Variants in PEX6 observed in about 807,000 individuals in gnomAD.
PEX6 encodes peroxisome biogenesis factor 6.
Under a neutral mutation model 85.6 loss-of-function variants are expected in PEX6, and 55 were observed. The ratio of observed to expected loss-of-function variants is 0.64; its 90% CI spans 0.52 to 0.80. The LOEUF (loss-of-function observed/expected upper bound fraction) is 0.80. Ranked by LOEUF, PEX6 falls within the 30% of genes least tolerant of loss-of-function variation. The pLI is 0.00. For synonymous variants in PEX6, 519 were observed against 549.1 expected, an observed-to-expected ratio of 0.95 and a Z score of 0.77; for missense variants, 1,099 against 1,260.3, an observed-to-expected ratio of 0.87 and a Z score of 1.94.
At chr6:42,975,890 G>A (rs1407282245) in intron 1 of PEX6, among the ~76,000 whole-genome samples, 1 of 150,850 alleles carries the variant, frequency 6.6e-6, no homozygotes, top group African/African-American at 2.4e-5. Context: ...TAATTTTTGT[G>A]GGTTTTATTT....
At chr6:42,972,032 C>T (rs1770070013) in intron 3 of PEX6, among the ~76,000 whole-genome samples, 2 of 152,204 alleles carry the variant, frequency 1.3e-5, no homozygotes, top group Admixed American at 6.5e-5. Context: ...TGGGGTTCCA[C>T]AGAGCACCAC....
chr6:42,969,659 C>T lies in PEX6; in HGVS notation c.1367+9G>A. 6.2e-7 allele frequency: 1 copy of T among 1,612,386 alleles called. No homozygotes were observed. The highest frequency in any genetic ancestry group is 8.5e-7 in the Non-Finnish European group (1 of 1,179,932). ...TTTTCTCACACCCTGGGGTGATGAC[C>T]TCACTCACCCTGGCTGGAGGCGAGG... is the stretch of plus-strand genomic sequence containing the variant. On this transcript the variant is annotated intron_variant, in intron 5 of 16. Transcript: ENST00000304611.
chr6:42,965,968 C>T lies in PEX6; in HGVS notation c.2362+76G>A. The T allele has an allele frequency of 6.6e-7, 1 of 1,513,778 alleles. No homozygotes were observed. The highest frequency in any genetic ancestry group is 2.3e-5 in the East Asian group (1 of 44,368). The allele number at this position is 1,513,778 out of a possible 1,614,324, so 93.8% of individuals were successfully genotyped here. On this transcript the variant is annotated intron_variant, in intron 12 of 16. Coordinates refer to ENST00000304611, the MANE Select transcript of PEX6 (RefSeq NM_000287.4). This position sits in a 1 kb window ranked among gnomAD's most constrained non-coding sequence, Gnocchi z 5.0. ...AGGATTAGGAATGATCATGAGTAGCCTGGGAGTAGGGGGTGGCTTGGGGGC... is the reference window on the plus strand; with the variant it reads ...AGGATTAGGAATGATCATGAGTAGCTTGGGAGTAGGGGGTGGCTTGGGGGC...
rs1180122623 is a variant in PEX6, at chr6:42,968,790, G to A, written c.1479+84C>T. 2.9e-6 allele frequency: 3 copies of A among 1,020,496 alleles called. No homozygotes were observed. The East Asian group carries it at 7.1e-5, about 24-fold the overall frequency. 63.2% of individuals were successfully genotyped at this position (1,020,496 alleles called of 1,614,324 possible). On this transcript the variant is annotated intron_variant, in intron 6 of 16. Coordinates refer to ENST00000304611, the MANE Select transcript of PEX6 (RefSeq NM_000287.4). ...CTAGGGCCTGTGAGTAGACAGAGGA[G>A]GGAGGGGAGAGGAAGCAGCAGAGAG... is the stretch of plus-strand genomic sequence containing the variant.
rs139281058 is a variant in PEX6, at chr6:42,965,713, C to T, written c.2439G>A (p.Gly813=). 1.9e-6 allele frequency: 3 copies of T among 1,613,756 alleles called. No individual in the cohort carries two copies. In the African/African-American group the frequency reaches 4.0e-5, roughly 22 times the overall value. ...TCACTCCTCCAGAATCTCCACTTCG[C>T]CCCCGGCTTGGGGCCAAAGAGTCCA... ...DELDSLAPSR[G]RSGDSGGVMD... The change falls in exon 13 of 17, where the codon GGG becomes GGA. Residue 813 remains glycine (G), a synonymous_variant. Transcript: ENST00000304611. The surrounding 1 kb of genome is among the most constrained non-coding windows in gnomAD (Gnocchi z 5.0).
intron 1 of PEX6, among the ~76,000 whole-genome samples, chr6:42,976,051 A>ATTTT (rs575675085): frequency 3.7e-4 from 53 of 143,724 alleles, no homozygotes; most frequent in African/African-American, 6.6e-4. Flanking sequence ...ACCACACCTA[A>ATTTT]TTTTTTTTTT....
chr6:42,969,847 C>T, intron 4 of PEX6, 38 bp downstream of exon 4: 1 of 1,614,050 alleles, frequency 6.2e-7, no homozygotes, highest in Non-Finnish European at 8.5e-7. Context: ...ATCGTTTCTA[C>T]CCCCTGCGCT....
chr6:42,976,662 CT>C lies in PEX6; in HGVS notation c.882+1606del, dbSNP rs537991333. Among the ~76,000 whole-genome samples, 734 of 144,298 alleles carry C rather than the reference CT, an allele frequency of 5.1e-3. 3 individuals are homozygous for C. Among genetic ancestry groups the C allele is most frequent in the African/African-American group, 0.013 (518 of 39,652 alleles). 94.7% of individuals were successfully genotyped at this position (144,298 alleles called of 152,430 possible). ...ACAGGCATGAGCCACTGCGCCTGGC[CT>C]TTTTTTTTTTTACACAATGAAGGTT... On this transcript the variant is annotated intron_variant, in intron 1 of 16. Transcript: ENST00000304611.
chr6:42,974,829 T>C, intron 2 of PEX6, 46 bp downstream of exon 2: 1 of 1,551,352 alleles, frequency 6.4e-7, no homozygotes, highest in Non-Finnish European at 8.9e-7. Flanking sequence ...AGGAGGAATG[T>C]AATGAGGGTG....
chr6:42,964,209 G>T lies in PEX6; in HGVS notation c.*126C>A. The T allele has an allele frequency of 9.2e-7, 1 of 1,086,494 alleles. No homozygotes were observed. Among genetic ancestry groups the T allele is most frequent in the Non-Finnish European group, 1.4e-6 (1 of 723,250 alleles). 67.3% of individuals were successfully genotyped at this position (1,086,494 alleles called of 1,614,324 possible). On this transcript the variant is annotated 3_prime_UTR_variant, in exon 17 of 17. Transcript: ENST00000304611. This position sits in a 1 kb window ranked among gnomAD's most constrained non-coding sequence, Gnocchi z 4.6. ...GCCACTTTGCACCCTGGGATCTCCT[G>T]GAGGGAGGTGGCCTCCAGGTGGGTT...
At position 42,974,947 on chromosome 6, in the gene PEX6, A is replaced by ATT. The variant is rs1314019560; in HGVS notation, c.972_973dup (p.Ile325LysfsTer27). On this transcript the variant is annotated frameshift_variant, in exon 2 of 17. Transcript: ENST00000304611. LOFTEE classifies it high-confidence loss of function. ...AGTGCTGTAGTGGGGAGAAGACACA[A>ATT]TTTCGATGTGTAACTCTCTGGCAAA... 1 of 1,613,744 alleles carries ATT rather than the reference A, an allele frequency of 6.2e-7. No homozygotes were observed. Among genetic ancestry groups the ATT allele is most frequent in the South Asian group, 1.1e-5 (1 of 91,064 alleles).
At chr6:42,977,251 C>CCTTTTTTTTTTTT (rs34536442) in intron 1 of PEX6, among the ~76,000 whole-genome samples, 1 of 126,678 alleles carries the variant, frequency 7.9e-6, no homozygotes, top group Non-Finnish European at 1.6e-5. Context: ...TGAAACCTCA[C>CCTTTTTTTTTTTT]TTTTTTTTTT....
chr6:42,978,943 C>A lies in PEX6; in HGVS notation c.208G>T (p.Gly70Trp). The change falls in exon 1 of 17, where the codon GGG becomes TGG. Residue 70 changes from glycine (G) to tryptophan (W), a missense_variant. Coordinates refer to ENST00000304611, the MANE Select transcript of PEX6 (RefSeq NM_000287.4). The part of the protein sequence containing the change: ...PDAGTEEQGP[G>W]PPQLLVSRAL... ...CGGCTAACCAGTAGCTGCGGCGGCC[C>A]GGGACCCTGCTCTTCGGTGCCCGCG... 1 of 1,495,204 alleles carries A rather than the reference C, an allele frequency of 6.7e-7. No homozygotes were observed. Among genetic ancestry groups the A allele is most frequent in the Non-Finnish European group, 8.8e-7 (1 of 1,130,852 alleles). The allele number at this position is 1,495,204 out of a possible 1,614,324, so 92.6% of individuals were successfully genotyped here.
rs762734034 is a variant in PEX6, at chr6:42,969,681, G to A, written c.1354C>T (p.Arg452Cys). Residue 452 changes from arginine (R) to cysteine (C), a missense_variant, in exon 5 of 17, where the codon CGC becomes TGC. Physicochemically the swap from Arg to Cys is radical, Grantham distance 180. Transcript: ENST00000304611. ...VSELCAVLKP[R>C]LQPGGALLTG... ...GACCTCACTCACCCTGGCTGGAGGC[G>A]AGGCTTCAGGACAGCACAGAGTTCA... is the stretch of plus-strand genomic sequence containing the variant. 37 of 1,612,644 alleles carry A rather than the reference G, an allele frequency of 2.3e-5. No homozygotes were observed. The highest frequency in any genetic ancestry group is 3.3e-5 in the Admixed American group (2 of 59,996).
intron 3 of PEX6, among the ~76,000 whole-genome samples, chr6:42,972,614 C>T (rs1770101595): frequency 6.6e-6 from 1 of 151,836 alleles, no homozygotes; most frequent in South Asian, 2.1e-4. Flanking sequence ...ACTAAAAATA[C>T]AAAAAATTAG....
rs771717513 is a variant in PEX6, at chr6:42,969,940, G to A, written c.1178C>T (p.Pro393Leu). The change falls in exon 4 of 17, where the codon CCA (proline) becomes CTA (leucine). Residue 393 changes from proline (P) to leucine (L), a missense_variant. Physicochemically the swap from Pro to Leu is moderately conservative, Grantham distance 98. Around this residue, in one of 3 missense-constraint regions of PEX6, gnomAD observed 579 missense variants for 611.6 expected, o/e 0.95. Coordinates refer to ENST00000304611, the MANE Select transcript of PEX6 (RefSeq NM_000287.4). ...CAAGTAGGCACTGGCTGGTCCATCTGGAGCTTCCCCAACTGTTTTCTTCAC... is the reference window on the plus strand; with the variant it reads ...CAAGTAGGCACTGGCTGGTCCATCTAGAGCTTCCCCAACTGTTTTCTTCAC... Reference protein sequence around the residue: ...FKVKKTVGEAPDGPASAYLAD... With the variant: ...FKVKKTVGEALDGPASAYLAD... 3 of 1,614,222 alleles carry A rather than the reference G, an allele frequency of 1.9e-6. No individual in the cohort carries two copies. The highest frequency in any genetic ancestry group is 2.5e-6 in the Non-Finnish European group (3 of 1,180,042).
At chr6:42,978,033 C>CGGG (rs1213529907) in intron 1 of PEX6, among the ~76,000 whole-genome samples, 1 of 151,560 alleles carries the variant, frequency 6.6e-6, no homozygotes, top group Non-Finnish European at 1.5e-5. Flanking sequence ...TTAGTAGAGA[C>CGGG]GGGGTTTCTC....
Position 42,978,695 on chromosome 6 carries a change from C to T in PEX6, c.456G>A (p.Gly152=). ...RPALQGLLGP[G]TRLAVTELRG... ...GGAGCTCAGTCACAGCCAGCCGAGT[C>T]CCTGGGCCCAGCAGCCCTTGCAACG... is the stretch of plus-strand genomic sequence containing the variant. The change falls in exon 1 of 17, where the codon GGG becomes GGA. Residue 152 remains glycine, a synonymous_variant. Coordinates refer to ENST00000304611, the MANE Select transcript of PEX6 (RefSeq NM_000287.4). 1 of 1,550,420 alleles carries T rather than the reference C, an allele frequency of 6.4e-7. No individual in the cohort carries two copies. Among genetic ancestry groups the T allele is most frequent in the Non-Finnish European group, 8.7e-7 (1 of 1,154,970 alleles).
Position 42,964,229 on chromosome 6 carries a change from T to G in PEX6, c.*106A>C. The G allele has an allele frequency of 7.2e-7, 1 of 1,385,584 alleles. No individual in the cohort carries two copies. The highest frequency in any genetic ancestry group is 1.0e-6 in the Non-Finnish European group (1 of 983,914). 85.8% of individuals were successfully genotyped at this position (1,385,584 alleles called of 1,614,324 possible). On this transcript the variant is annotated 3_prime_UTR_variant, in exon 17 of 17. Coordinates refer to ENST00000304611, the MANE Select transcript of PEX6 (RefSeq NM_000287.4). The surrounding 1 kb of genome is among the most constrained non-coding windows in gnomAD (Gnocchi z 4.6). ...CTCCTGGAGGGAGGTGGCCTCCAGGTGGGTTGGCAGCAGCCTGAGGAGGAG... is the reference window on the plus strand; with the variant it reads ...CTCCTGGAGGGAGGTGGCCTCCAGGGGGGTTGGCAGCAGCCTGAGGAGGAG...
Sources: allele counts gnomAD v4.1 joint callset (sites outside exome capture counted in the v4.1 genomes callset), GRCh38; gene constraint gnomAD v4.1.1; regional missense constraint gnomAD v4.1.1; non-coding constraint Gnocchi (gnomAD v3.1); transcripts MANE v1.5; gene names NCBI Gene and HGNC (gene_info 2026-07-23, HGNC 2026-07-21).